Variants in LNPEP observed in about 807,000 individuals in gnomAD.
The protein encoded by LNPEP is leucyl-cystinyl aminopeptidase.
In LNPEP, 64 loss-of-function variants were observed where a neutral mutation model predicts 120.6. The observed-to-expected ratio is 0.53, with a 90% CI of 0.43 to 0.65. The LOEUF (loss-of-function observed/expected upper bound fraction) is 0.65. LNPEP is among the 30% of genes least tolerant of loss of function. The pLI, the probability that LNPEP is intolerant of heterozygous loss-of-function variation, is 0.00. For missense variants in LNPEP, 1,057 were observed against 1,200.0 expected, an observed-to-expected ratio of 0.88 and a Z score of 1.76; for synonymous variants, 435 against 425.4, an observed-to-expected ratio of 1.02 and a Z score of -0.28.
chr5:97,014,860 C>G (rs1200358603), intron 12 of LNPEP, 79 bp from the exon 13 acceptor site: 11 of 1,077,258 alleles, frequency 1.0e-5, no homozygotes, highest in African/African-American at 1.6e-5. Flanking sequence ...CCATCTAACC[C>G]TAAGTTTCTC....
rs568807111 is a variant in LNPEP, at chr5:96,957,425, A to G, written c.19+21251A>G. On this transcript the variant is annotated intron_variant, in intron 1 of 17. Coordinates refer to ENST00000231368, the MANE Select transcript of LNPEP (RefSeq NM_005575.3). ...AAGCCTTGGTAATATTTTAGGTTAC[A>G]TAATGAAGAGGAGTTAGGTTGCAAT... Among the ~76,000 whole-genome samples, 4 of 152,330 alleles carry G rather than the reference A, an allele frequency of 2.6e-5. No individual in the cohort carries two copies. The South Asian group carries it at 8.3e-4, about 32-fold the overall frequency.
intron 16 of LNPEP, among the ~76,000 whole-genome samples, chr5:97,027,103 C>T (rs963288992): frequency 2.0e-5 from 3 of 152,148 alleles, no homozygotes; most frequent in African/African-American, 7.2e-5. Context: ...CCTTTAATCC[C>T]AGCACTTTGG....
At chr5:96,974,941 G>A (rs1409324482) in intron 1 of LNPEP, among the ~76,000 whole-genome samples, 1 of 152,024 alleles carries the variant, frequency 6.6e-6, no homozygotes, top group Non-Finnish European at 1.5e-5. Flanking sequence ...GATCCTCCCT[G>A]AGTCTCCCTT....
At chr5:97,016,562 A>T (rs1791073978) in intron 13 of LNPEP, among the ~76,000 whole-genome samples, 1 of 152,102 alleles carries the variant, frequency 6.6e-6, no homozygotes, top group South Asian at 2.1e-4. Context: ...CTATTTGTAA[A>T]ATCAATTTGT....
rs766420902 is a variant in LNPEP at position 97,013,872 on chromosome 5, A to G, written c.2219+41A>G. ...TTTGAGATTTTTTCTTTTTTTAAAC[A>G]AATGTCATTGAGGTAAAGAACATAT... On this transcript the variant is annotated intron_variant, in intron 12 of 17. Coordinates refer to ENST00000231368, the MANE Select transcript of LNPEP (RefSeq NM_005575.3). 1.6e-5 allele frequency: 23 copies of G among 1,402,776 alleles called. No individual in the cohort carries two copies. In the South Asian group the frequency reaches 3.3e-4, roughly 20 times the overall value. The allele number at this position is 1,402,776 out of a possible 1,614,324, so 86.9% of individuals were successfully genotyped here. A position where few individuals can be genotyped will look rare whatever the true frequency, so the allele number is the denominator to read the frequency against.
At chr5:96,989,653 C>T (rs1444045540) in intron 4 of LNPEP, among the ~76,000 whole-genome samples, 1 of 151,706 alleles carries the variant, frequency 6.6e-6, no homozygotes, top group African/African-American at 2.4e-5. Context: ...GTTTAGAGTA[C>T]TCTTACCAAG....
At chr5:97,006,609 C>A (rs1011847127) in intron 11 of LNPEP, 94 bp downstream of exon 11, 1 of 711,118 alleles carries the variant, frequency 1.4e-6, no homozygotes, top group Non-Finnish European at 2.5e-6. Flanking sequence ...AGTGTGCACA[C>A]TCTCTGAACT....
intron 6 of LNPEP, 22 bp from the exon 7 acceptor site, chr5:96,996,368 T>G (rs1790516790): frequency 7.8e-7 from 1 of 1,289,476 alleles, no homozygotes; most frequent in African/African-American, 1.7e-5. Flanking sequence ...TCCTGTGGGT[T>G]AATTGTTTTC....
In LNPEP at chr5:96,993,970, A is replaced by G. The variant is rs1355101260; in HGVS notation, c.1406A>G (p.Gln469Arg). 1 of 1,613,592 alleles carries G rather than the reference A, an allele frequency of 6.2e-7. No homozygotes were observed. Among genetic ancestry groups the G allele is most frequent in the East Asian group, 2.2e-5 (1 of 44,876 alleles). The part of the protein sequence containing the change: ...TKIIAHELAH[Q>R]WFGNLVTMKW... ...ATCATTGCTCATGAGCTGGCCCACC[A>G]GGTATTAGCAACCAAGGCTGTTCTG... The change falls in exon 6 of 18, where the codon CAG (glutamine) becomes CGG (arginine). Residue 469 changes from glutamine to arginine, a missense_variant and splice_region_variant. Gln to Arg is a conservative substitution (Grantham distance 43). Transcript: ENST00000231368.
Position 96,979,169 on chromosome 5 carries a change from A to C in LNPEP, c.51A>C (p.Glu17Asp). Reference sequence around the variant, plus strand: ...TTCAGCTCCCCAGGAATATGATTGAAAACAGCATGTTTGAGGAAGAACCAG... The same window carrying C: ...TTCAGCTCCCCAGGAATATGATTGACAACAGCATGTTTGAGGAAGAACCAG... ...DRLQLPRNMI[E>D]NSMFEEEPDV... Residue 17 changes from glutamate (E) to aspartate (D), a missense_variant, in exon 2 of 18, where the codon GAA becomes GAC. Coordinates refer to ENST00000231368, the MANE Select transcript of LNPEP (RefSeq NM_005575.3). 1 of 1,612,492 alleles carries C rather than the reference A, an allele frequency of 6.2e-7. No individual in the cohort carries two copies. Among genetic ancestry groups the C allele is most frequent in the Non-Finnish European group, 8.5e-7 (1 of 1,179,046 alleles).
At chr5:97,014,684 G>A (rs551131096) in intron 12 of LNPEP, among the ~76,000 whole-genome samples, 3 of 152,086 alleles carry the variant, frequency 2.0e-5, no homozygotes, top group Admixed American at 6.6e-5. Flanking sequence ...TGAGTTAGTA[G>A]CAATTTACAG....
At chr5:96,954,772 ATTTTTTTT>A (rs1160402498) in intron 1 of LNPEP, among the ~76,000 whole-genome samples, 2 of 27,108 alleles carry the variant, frequency 7.4e-5, no homozygotes, top group East Asian at 1.2e-3. Context: ...ATATATATAT[ATTTTTTTT>A]TTTTTTTTTT....
Position 96,998,781 on chromosome 5 carries a change from A to G in LNPEP, c.1653+636A>G, listed in dbSNP as rs563696257. On this transcript the variant is annotated intron_variant, in intron 8 of 17. Transcript: ENST00000231368. ...TATGTCATCAAGTAGCTGAAAGTTC[A>G]GATGGTTGGTACTTGTGGAGCAATA... 3.9e-5 allele frequency among the ~76,000 whole-genome samples: 6 copies of G among 152,322 alleles called. No homozygotes were observed. The East Asian group carries it at 1.2e-3, about 29-fold the overall frequency.
chr5:96,985,018 G>T, intron 2 of LNPEP, 62 bp from the exon 3 acceptor site: 1 of 1,554,914 alleles, frequency 6.4e-7, no homozygotes, highest in Non-Finnish European at 8.8e-7. Flanking sequence ...TAGTATACTT[G>T]GCAGGGTGCC....
chr5:97,017,721 G>C (rs1452014487), intron 13 of LNPEP, among the ~76,000 whole-genome samples: 1 of 152,078 alleles, frequency 6.6e-6, no homozygotes, highest in Non-Finnish European at 1.5e-5. Flanking sequence ...ACCATTTGGG[G>C]TAGTATATTA....
At position 97,028,673 on chromosome 5, in the gene LNPEP, C is replaced by T; in HGVS notation, c.*140C>T. 1.3e-6 allele frequency: 1 copy of T among 764,192 alleles called. No homozygotes were observed. Among genetic ancestry groups the T allele is most frequent in the Non-Finnish European group, 2.1e-6 (1 of 468,502 alleles). 47.3% of individuals were successfully genotyped at this position (764,192 alleles called of 1,614,324 possible). A position where few individuals can be genotyped will look rare whatever the true frequency, so the allele number is the denominator to read the frequency against. ...TTTGGAGTTCTAGTTAGCTCAGGGC[C>T]TGACTGTATTTTTCATCCATCTTTT... On this transcript the variant is annotated 3_prime_UTR_variant, in exon 18 of 18. Coordinates refer to ENST00000231368, the MANE Select transcript of LNPEP (RefSeq NM_005575.3).
At chr5:96,945,629 A>G (rs887750398) in intron 1 of LNPEP, among the ~76,000 whole-genome samples, 2 of 152,082 alleles carry the variant, frequency 1.3e-5, no homozygotes, top group African/African-American at 4.8e-5. Context: ...CAGTCTTAAG[A>G]TCTCTGTTTT....
intron 1 of LNPEP, among the ~76,000 whole-genome samples, chr5:96,976,305 C>T (rs2112601881): frequency 6.6e-6 from 1 of 151,926 alleles, no homozygotes; most frequent in East Asian, 1.9e-4. Flanking sequence ...TTGATGTGAT[C>T]TCCATTTCTG....
chr5:96,979,086 G>A, intron 1 of LNPEP, 52 bp from the exon 2 acceptor site: 2 of 1,521,240 alleles, frequency 1.3e-6, no homozygotes, highest in Non-Finnish European at 1.8e-6. Context: ...TTAATATTAT[G>A]AGCTTTTTTT....
Sources: allele counts gnomAD v4.1 joint callset (sites outside exome capture counted in the v4.1 genomes callset), GRCh38; gene constraint gnomAD v4.1.1; transcripts MANE v1.5; gene names NCBI Gene and HGNC (gene_info 2026-07-23, HGNC 2026-07-21).